NLGN4X: variants seen among roughly 807,000 people sequenced by gnomAD.
NLGN4X encodes the protein neuroligin 4 X-linked, also known as neuroligin-4, X-linked.
NLGN4X carries 3 observed loss-of-function variants against 40.3 expected under a neutral mutation model. The observed-to-expected ratio is 0.07, with a 90% CI of 0.03 to 0.19. NLGN4X has a LOEUF of 0.19. Among genes scored for constraint, NLGN4X ranks in the 10% least tolerant of loss-of-function variants. The probability of loss-of-function intolerance (pLI) is 1.00; values close to 1 mark genes in which losing one functional copy is unlikely to be tolerated. For synonymous variants in NLGN4X, 270 were observed against 306.8 expected, an observed-to-expected ratio of 0.88 and a Z score of 1.25; for missense variants, 382 against 708.3, an observed-to-expected ratio of 0.54 and a Z score of 5.23.
At chrX:6,112,828 C>T (rs2039184321) in intron 2 of NLGN4X, among the ~76,000 whole-genome samples, 1 of 110,042 alleles carries the variant, frequency 9.1e-6, no homozygotes, top group Admixed American at 9.8e-5. Context: ...TGCAGGAGGA[C>T]GAACGTGATA....
At chrX:5,920,809 T>C (rs768081910) in intron 3 of NLGN4X, among the ~76,000 whole-genome samples, 1 of 111,057 alleles carries the variant, frequency 9.0e-6, no homozygotes, top group African/African-American at 3.3e-5. Context: ...GGCCAAATGA[T>C]TGAATCAATC....
intron 1 of NLGN4X, among the ~76,000 whole-genome samples, chrX:6,225,165 T>A (rs1300225679): frequency 1.9e-5 from 2 of 105,751 alleles, no homozygotes; most frequent in African/African-American, 3.5e-5. Context: ...TCCATGAAAT[T>A]CCTGTATTCT....
intron 1 of NLGN4X, among the ~76,000 whole-genome samples, chrX:6,181,250 T>C (rs1286520748): frequency 9.0e-6 from 1 of 111,691 alleles, no homozygotes; most frequent in Admixed American, 9.6e-5. Flanking sequence ...ACTGCTTTAG[T>C]AATCTATTAC....
intron 3 of NLGN4X, among the ~76,000 whole-genome samples, chrX:6,003,299 G>C: frequency 8.9e-6 from 1 of 112,101 alleles, no homozygotes; most frequent in Middle Eastern, 4.7e-3. Flanking sequence ...ACTCAGGACC[G>C]CATATGACCA....
At chrX:5,925,781 T>C (rs2033244731) in intron 3 of NLGN4X, among the ~76,000 whole-genome samples, 1 of 96,003 alleles carries the variant, frequency 1.0e-5, no homozygotes, top group South Asian at 5.3e-4. Flanking sequence ...TTTAATTATC[T>C]TAAGAGTGGT....
At chrX:6,174,249 T>C (rs1185773268) in intron 1 of NLGN4X, among the ~76,000 whole-genome samples, 1 of 110,591 alleles carries the variant, frequency 9.0e-6, no homozygotes, top group African/African-American at 3.3e-5. Context: ...AAGGCCATCA[T>C]TAAATAGTCA....
chrX:6,065,387 A>AG (rs2037885158), intron 2 of NLGN4X, among the ~76,000 whole-genome samples: 5 of 110,697 alleles, frequency 4.5e-5, no homozygotes, highest in Non-Finnish European at 9.4e-5. Flanking sequence ...AAGAAAAGAG[A>AG]GAAGAGTGGA....
intron 2 of NLGN4X, among the ~76,000 whole-genome samples, chrX:6,116,302 A>C (rs1335152691): frequency 9.9e-6 from 1 of 101,059 alleles, no homozygotes; most frequent in Non-Finnish European, 2.0e-5. Context: ...AAAAAAAAAA[A>C]AAAAAAAAAA....
At chrX:6,224,780 A>G (rs184392233) in intron 1 of NLGN4X, among the ~76,000 whole-genome samples, 1 of 108,438 alleles carries the variant, frequency 9.2e-6, no homozygotes, top group Non-Finnish European at 1.9e-5. Flanking sequence ...ACTGGAGAAG[A>G]AAACATCAAA....
intron 3 of NLGN4X, among the ~76,000 whole-genome samples, chrX:5,964,547 C>T (rs1189319793): frequency 8.9e-6 from 1 of 112,155 alleles, no homozygotes; most frequent in Non-Finnish European, 1.9e-5. Context: ...CACTCTGTCA[C>T]CCAGGCTGAA....
At chrX:6,156,730 G>T (rs2147723085) in intron 1 of NLGN4X, among the ~76,000 whole-genome samples, 1 of 109,813 alleles carries the variant, frequency 9.1e-6, no homozygotes, top group African/African-American at 3.3e-5. Context: ...AGGGGGAAAA[G>T]GTAGAAAAAC....
At chrX:6,089,559 CT>C (rs1379869799) in intron 2 of NLGN4X, among the ~76,000 whole-genome samples, 27 of 112,463 alleles carry the variant, frequency 2.4e-4, no homozygotes, top group Non-Finnish European at 7.5e-5. Flanking sequence ...CTTTTTCTTG[CT>C]TACATTATCT....
At chrX:5,908,613 A>G in intron 4 of NLGN4X, among the ~76,000 whole-genome samples, 1 of 112,220 alleles carries the variant, frequency 8.9e-6, no homozygotes, top group South Asian at 3.7e-4. Flanking sequence ...TTAAATTAGG[A>G]GAAAAATATT....
At chrX:6,066,497 G>A (rs1194922417) in intron 2 of NLGN4X, among the ~76,000 whole-genome samples, 3 of 112,335 alleles carry the variant, frequency 2.7e-5, no homozygotes, top group Non-Finnish European at 5.6e-5. Context: ...CACTAAATGT[G>A]CAAATGGGCT....
At chrX:6,201,261 G>A (rs1277813500) in intron 1 of NLGN4X, among the ~76,000 whole-genome samples, 1 of 111,958 alleles carries the variant, frequency 8.9e-6, no homozygotes, top group Admixed American at 9.5e-5. Context: ...CAGTATTCCA[G>A]GTTGAAAGAG....
intron 3 of NLGN4X, among the ~76,000 whole-genome samples, chrX:6,021,401 G>A (rs2036552876): frequency 1.8e-5 from 2 of 110,313 alleles, no homozygotes; most frequent in Non-Finnish European, 3.8e-5. Context: ...CACTGCAGTC[G>A]TCCCCATCTC....
At chrX:5,925,277 G>A (rs1466920153) in intron 3 of NLGN4X, among the ~76,000 whole-genome samples, 2 of 112,013 alleles carry the variant, frequency 1.8e-5, no homozygotes, top group Admixed American at 9.5e-5. Flanking sequence ...TTTCAAATAC[G>A]TATATATATC....
At chrX:6,015,244 G>A (rs1349044825) in intron 3 of NLGN4X, among the ~76,000 whole-genome samples, 1 of 111,733 alleles carries the variant, frequency 8.9e-6, no homozygotes, top group Non-Finnish European at 1.9e-5. Context: ...GTTATACCAT[G>A]TGTCAAACAG....
intron 1 of NLGN4X, among the ~76,000 whole-genome samples, chrX:6,163,159 CTG>C (rs757457192): frequency 1.2e-4 from 13 of 112,117 alleles, no homozygotes; most frequent in African/African-American, 4.2e-4. Flanking sequence ...CCACATGGAA[CTG>C]TGAGTCCATT....
Sources: gnomAD v4.1 joint callset for allele counts (sites outside exome capture counted in the v4.1 genomes callset) on GRCh38, gnomAD v4.1.1 for gene constraint, MANE v1.5 for transcripts, NCBI Gene and HGNC (gene_info 2026-07-23, HGNC 2026-07-21) for gene names.